NWD2: variants seen among roughly 807,000 people sequenced by gnomAD.
NWD2 encodes NACHT and WD repeat domain containing 2, also known as NACHT and WD repeat domain-containing protein 2.
A neutral mutation model predicts 132.7 loss-of-function variants in NWD2; 37 were observed. That is an observed-to-expected ratio of 0.28 (90% confidence interval 0.21 to 0.37). The LOEUF (loss-of-function observed/expected upper bound fraction) is 0.37. Among genes scored for constraint, NWD2 ranks in the 10% least tolerant of loss-of-function variants. The pLI is 1.00. For synonymous variants in NWD2, 705 were observed against 803.0 expected, an observed-to-expected ratio of 0.88 and a Z score of 2.06; for missense variants, 1,592 against 2,122.4, an observed-to-expected ratio of 0.75 and a Z score of 4.91.
chr4:37,420,662 G>A (rs1000619589), intron 3 of NWD2, among the ~76,000 whole-genome samples: 7 of 152,086 alleles, frequency 4.6e-5, no homozygotes, highest in Non-Finnish European at 7.4e-5. Context: ...CCAGTCTGGC[G>A]ATAGAATTAG....
chr4:37,287,611 A>G (rs1019591327), intron 1 of NWD2, among the ~76,000 whole-genome samples: 1 of 152,196 alleles, frequency 6.6e-6, no homozygotes, highest in Admixed American at 6.5e-5. Context: ...CAACAACTCT[A>G]GCCAGAGACT....
In NWD2 at chr4:37,446,951, A is replaced by C. The variant is rs1474779573; in HGVS notation, c.4963A>C (p.Ile1655Leu). 2 of 1,551,470 alleles carry C rather than the reference A, an allele frequency of 1.3e-6. No individual in the cohort carries two copies. Among genetic ancestry groups the C allele is most frequent in the Non-Finnish European group, 1.7e-6 (2 of 1,146,964 alleles). Reference sequence around the variant, plus strand: ...AGACCGTGTAGATGCTGCACTGAAAATCAAAATTGCCACTTCAAATAGCAG... The same window carrying C: ...AGACCGTGTAGATGCTGCACTGAAACTCAAAATTGCCACTTCAAATAGCAG... ...VVDRVDAALK[I>L]KIATSNSRQI... Residue 1655 changes from isoleucine to leucine, a missense_variant, in exon 7 of 7, where the codon ATC becomes CTC. Ile to Leu is a conservative substitution (Grantham distance 5). Transcript: ENST00000309447. The surrounding 1 kb of genome is among the most constrained non-coding windows in gnomAD (Gnocchi z 6.7).
chr4:37,296,990 A>AT (rs1718509130), intron 1 of NWD2, among the ~76,000 whole-genome samples: 1 of 152,114 alleles, frequency 6.6e-6, no homozygotes, highest in Non-Finnish European at 1.5e-5. Flanking sequence ...ATCAACTATA[A>AT]TTTGGGATTC....
intron 1 of NWD2, among the ~76,000 whole-genome samples, chr4:37,293,399 T>C (rs1328314202): frequency 6.6e-6 from 1 of 152,218 alleles, no homozygotes; most frequent in East Asian, 1.9e-4. Flanking sequence ...GTTGCAAACA[T>C]ATTTGCTAGT....
chr4:37,383,458 G>C (rs980667493), intron 3 of NWD2, among the ~76,000 whole-genome samples: 3 of 152,170 alleles, frequency 2.0e-5, no homozygotes, highest in Admixed American at 2.0e-4. Flanking sequence ...TCTCCCATCA[G>C]ATTAGCAGAG....
At chr4:37,408,769 T>C (rs924353349) in intron 3 of NWD2, among the ~76,000 whole-genome samples, 2 of 152,150 alleles carry the variant, frequency 1.3e-5, no homozygotes, top group Non-Finnish European at 2.9e-5. Flanking sequence ...AGACACCTCC[T>C]ACAGGAGAGC....
rs943205746 is a variant in NWD2 at position 37,244,900 on chromosome 4, G to C, written c.-168G>C. ...CCGTATGGCTTCTCCTCGCCGGCGG[G>C]TGCTGTGCGCCACGGAGCTCGCCAA... is the stretch of plus-strand genomic sequence containing the variant. On this transcript the variant is annotated 5_prime_UTR_variant, in exon 1 of 7. Coordinates refer to ENST00000309447, the MANE Select transcript of NWD2 (RefSeq NM_001144990.2). This position sits in a 1 kb window ranked among gnomAD's most constrained non-coding sequence, Gnocchi z 5.5. The C allele has an allele frequency of 1.1e-4, 84 of 794,200 alleles. No homozygotes were observed. The highest frequency in any genetic ancestry group is 1.5e-4 in the Non-Finnish European group (81 of 527,226). 49.2% of individuals were successfully genotyped at this position (794,200 alleles called of 1,614,324 possible).
intron 4 of NWD2, 118 bp downstream of exon 4, chr4:37,430,893 T>A: frequency 1.2e-6 from 1 of 840,870 alleles, no homozygotes; most frequent in Non-Finnish European, 1.8e-6. Context: ...TACTCTGCCC[T>A]AGGCCCCAGG....
chr4:37,369,175 T>C (rs1476041403), intron 3 of NWD2, among the ~76,000 whole-genome samples: 1 of 152,166 alleles, frequency 6.6e-6, no homozygotes. Context: ...GAGAAACTTA[T>C]GATCCAAAAT....
intron 1 of NWD2, among the ~76,000 whole-genome samples, chr4:37,251,593 G>A (rs1239647416): frequency 2.0e-5 from 3 of 152,190 alleles, no homozygotes; most frequent in East Asian, 1.9e-4. Context: ...AGCCTCTGCA[G>A]AAACACATTT....
intron 1 of NWD2, among the ~76,000 whole-genome samples, chr4:37,251,402 C>G (rs1394290933): frequency 1.3e-5 from 2 of 152,228 alleles, no homozygotes; most frequent in African/African-American, 4.8e-5. Flanking sequence ...AAAATACAAA[C>G]TACCCCAGAT....
chr4:37,371,768 A>T (rs1468472697), intron 3 of NWD2, among the ~76,000 whole-genome samples: 1 of 152,232 alleles, frequency 6.6e-6, no homozygotes. Context: ...ATGTTAAAAT[A>T]TGTATTCAGG....
chr4:37,381,574 G>T (rs1223637577), intron 3 of NWD2, among the ~76,000 whole-genome samples: 1 of 152,222 alleles, frequency 6.6e-6, no homozygotes, highest in Admixed American at 6.5e-5. Context: ...TCCCTTGGCT[G>T]TGTTTATTTT....
At position 37,387,040 on chromosome 4, in the gene NWD2, A is replaced by G. The variant is rs375482265; in HGVS notation, c.357+30558A>G. On this transcript the variant is annotated intron_variant, in intron 3 of 6. Transcript: ENST00000309447. ...TACTCAGCTTCAGATATTCCTTGAT[A>G]GCAATGCAGAATGGACCAACAAACC... 8.5e-5 allele frequency among the ~76,000 whole-genome samples: 13 copies of G among 152,316 alleles called. No individual in the cohort carries two copies. The East Asian group carries it at 2.5e-3, about 29-fold the overall frequency.
intron 2 of NWD2, among the ~76,000 whole-genome samples, chr4:37,337,519 G>A (rs1343189096): frequency 6.6e-6 from 1 of 152,192 alleles, no homozygotes; most frequent in Admixed American, 6.5e-5. Context: ...ACAATTGGAT[G>A]CCACCTGAAG....
At chr4:37,253,576 T>G (rs1216374034) in intron 1 of NWD2, among the ~76,000 whole-genome samples, 1 of 152,102 alleles carries the variant, frequency 6.6e-6, no homozygotes, top group Non-Finnish European at 1.5e-5. Flanking sequence ...CCTCGTTACA[T>G]CACAGCCCAT....
At chr4:37,435,466 T>C (rs1712297482) in intron 5 of NWD2, among the ~76,000 whole-genome samples, 2 of 152,212 alleles carry the variant, frequency 1.3e-5, no homozygotes, top group East Asian at 3.8e-4. Flanking sequence ...TATTTAAATA[T>C]ATAGATCAGG....
intron 1 of NWD2, among the ~76,000 whole-genome samples, chr4:37,250,277 T>G (rs370724806): frequency 2.8e-4 from 42 of 152,298 alleles, no homozygotes; most frequent in African/African-American, 1.0e-3. Flanking sequence ...ATAGGACATT[T>G]AGAGTAAATG....
At chr4:37,410,885 CT>C (rs1272453714) in intron 3 of NWD2, among the ~76,000 whole-genome samples, 2 of 152,128 alleles carry the variant, frequency 1.3e-5, no homozygotes, top group Non-Finnish European at 2.9e-5. Flanking sequence ...CAAACTGCTC[CT>C]GAATGACTAC....
Sources: gnomAD v4.1 joint callset for allele counts (sites outside exome capture counted in the v4.1 genomes callset) on GRCh38, gnomAD v4.1.1 for gene constraint, Gnocchi (gnomAD v3.1) non-coding constraint, MANE v1.5 for transcripts, NCBI Gene and HGNC (gene_info 2026-07-23, HGNC 2026-07-21) for gene names.